SLC12A3: variants seen among roughly 807,000 people sequenced by gnomAD.
The protein encoded by SLC12A3 is Na-Cl cotransporter.
In SLC12A3, 104 loss-of-function variants were observed where a neutral mutation model predicts 121.0. That is an observed-to-expected ratio of 0.86 (90% confidence interval 0.73 to 1.01). The LOEUF is 1.01. SLC12A3 is among the 50% of genes least tolerant of loss of function. The pLI, the probability that SLC12A3 is intolerant of heterozygous loss-of-function variation, is 0.00. For missense variants in SLC12A3, 1,328 were observed against 1,356.3 expected (o/e 0.98, Z 0.33); for synonymous variants, 536 against 533.4 (o/e 1.00, Z -0.07).
chr16:56,871,469 C>T (rs1169587479), intron 6 of SLC12A3, among the ~76,000 whole-genome samples: 3 of 152,224 alleles, frequency 2.0e-5, no homozygotes, highest in African/African-American at 7.2e-5. Flanking sequence ...CCGGACAGGC[C>T]CTACAGGCAG....
At chr16:56,869,855 CCT>C in intron 4 of SLC12A3, 31 bp downstream of exon 4, 1 of 1,581,494 alleles carries the variant, frequency 6.3e-7, no homozygotes, top group African/African-American at 1.3e-5. Flanking sequence ...CCAAGGCCCT[CCT>C]CTCGTGGGCT....
intron 21 of SLC12A3, among the ~76,000 whole-genome samples, chr16:56,893,974 T>A (rs1230237725): frequency 1.8e-5 from 1 of 54,416 alleles, no homozygotes; most frequent in African/African-American, 1.4e-4. Context: ...ATTTTTATTT[T>A]ATTTATTTAT....
In SLC12A3 at chr16:56,869,952, C is replaced by T. The variant is rs2055069358; in HGVS notation, c.601+128C>T. On this transcript the variant is annotated intron_variant, in intron 4 of 25. Coordinates refer to ENST00000563236, the MANE Select transcript of SLC12A3 (RefSeq NM_001126108.2). The stretch of plus-strand genomic sequence containing the variant: ...TGTGGTTCCGGGAGAGGGCTCTAGG[C>T]AGGCTGTCTACACCACGAGATGGCC... 4.4e-6 allele frequency: 6 copies of T among 1,368,432 alleles called. No homozygotes were observed. In the South Asian group the frequency reaches 5.8e-5, roughly 13 times the overall value. The allele number at this position is 1,368,432 out of a possible 1,614,324, so 84.8% of individuals were successfully genotyped here. A position where few individuals can be genotyped will look rare whatever the true frequency, so the allele number is the denominator to read the frequency against.
chr16:56,874,529 A>C (rs571544186), intron 8 of SLC12A3, among the ~76,000 whole-genome samples: 8 of 152,336 alleles, frequency 5.3e-5, no homozygotes, highest in Non-Finnish European at 1.0e-4. Flanking sequence ...AGCCAGGCAC[A>C]GTGGCTCATG....
At chr16:56,910,655 A>G (rs2055673355) in intron 25 of SLC12A3, among the ~76,000 whole-genome samples, 1 of 152,090 alleles carries the variant, frequency 6.6e-6, no homozygotes. Flanking sequence ...ACTCTATTAT[A>G]ATCACCCCCT....
intron 17 of SLC12A3, 69 bp from the exon 18 acceptor site, chr16:56,887,856 C>T (rs2055339192): frequency 1.1e-6 from 1 of 936,524 alleles, no homozygotes. Context: ...AAAGTTGGGG[C>T]TCTGGCCAGG....
chr16:56,893,380 T>C (rs2055416311), intron 21 of SLC12A3, among the ~76,000 whole-genome samples: 1 of 152,128 alleles, frequency 6.6e-6, no homozygotes, highest in Admixed American at 6.5e-5. Flanking sequence ...CAATGAAATA[T>C]AACCTCTCCC....
At chr16:56,868,908 G>C (rs1327195639) in intron 3 of SLC12A3, among the ~76,000 whole-genome samples, 2 of 151,976 alleles carry the variant, frequency 1.3e-5, no homozygotes, top group Non-Finnish European at 2.9e-5. Context: ...GGAGGCAGAG[G>C]CTGCAGTGAG....
At chr16:56,904,953 T>G (rs1427250847) in intron 25 of SLC12A3, 1 of 242,192 alleles carries the variant, frequency 4.1e-6, no homozygotes, top group African/African-American at 2.2e-5. Flanking sequence ...CTGGGTGTAT[T>G]AGCCAGGGCT....
chr16:56,887,041 A>T lies in SLC12A3; in HGVS notation c.2126A>T (p.Tyr709Phe), dbSNP rs1484020868. Residue 709 changes from tyrosine (Y) to phenylalanine (F), a missense_variant, in exon 17 of 26, where the codon TAC (tyrosine) becomes TTC (phenylalanine). Transcript: ENST00000563236. ...AACAAGAGGAAGATCAAGGCCTTCTACTCGGATGTCATTGCCGAGGACCTC... is the reference window on the plus strand; with the variant it reads ...AACAAGAGGAAGATCAAGGCCTTCTTCTCGGATGTCATTGCCGAGGACCTC... ...WLNKRKIKAFYSDVIAEDLRR... is the reference protein window; with the variant it reads ...WLNKRKIKAFFSDVIAEDLRR... 3 of 1,613,724 alleles carry T rather than the reference A, an allele frequency of 1.9e-6. No individual in the cohort carries two copies. The African/African-American group carries it at 4.0e-5, about 22-fold the overall frequency.
chr16:56,907,354 A>G (rs1237133681), intron 25 of SLC12A3, among the ~76,000 whole-genome samples: 2 of 151,644 alleles, frequency 1.3e-5, no homozygotes, highest in Non-Finnish European at 2.9e-5. Context: ...GCTACTTGGG[A>G]GGCTGAGACA....
chr16:56,885,134 C>G (rs1329021683), intron 14 of SLC12A3, 131 bp from the exon 15 acceptor site: 2 of 708,034 alleles, frequency 2.8e-6, no homozygotes, highest in South Asian at 3.0e-5. Context: ...CTGCCCATCC[C>G]AGGTGGCCCT....
rs140236327 is a variant in SLC12A3 at position 56,890,364 on chromosome 16, C to A, written c.2368+8C>A. 285 of 1,611,830 alleles carry A rather than the reference C, an allele frequency of 1.8e-4. 2 individuals carry two copies. The Admixed American group carries it at 4.7e-3, about 27-fold the overall frequency. ...AGATGATGCAGGCGCACAGTGAGTACATGCCCCACCCACTCCCAGAAAGTT... is the reference window on the plus strand; with the variant it reads ...AGATGATGCAGGCGCACAGTGAGTAAATGCCCCACCCACTCCCAGAAAGTT... On this transcript the variant is annotated splice_region_variant and intron_variant, in intron 19 of 25. Coordinates refer to ENST00000563236, the MANE Select transcript of SLC12A3 (RefSeq NM_001126108.2).
chr16:56,869,732 T>C lies in SLC12A3; in HGVS notation c.509T>C (p.Leu170Pro), dbSNP rs1596890176. 1.2e-6 allele frequency: 2 copies of C among 1,614,072 alleles called. No homozygotes were observed. The highest frequency in any genetic ancestry group is 1.7e-6 in the Non-Finnish European group (2 of 1,179,956). The change falls in exon 4 of 26, where the codon CTG (leucine) becomes CCG (proline). Residue 170 changes from leucine to proline, a missense_variant. Physicochemically the swap from Leu to Pro is moderately conservative, Grantham distance 98. Transcript: ENST00000563236. ...AAGCTTTGGGTGCCCCCTGCAGTCCTGACCTGGATCATCATCCTGCTGTCG... is the reference window on the plus strand; with the variant it reads ...AAGCTTTGGGTGCCCCCTGCAGTCCCGACCTGGATCATCATCCTGCTGTCG... ...PWITAQAGIV[L>P]TWIIILLSVT...
At chr16:56,889,581 A>T (rs1344672006) in intron 18 of SLC12A3, among the ~76,000 whole-genome samples, 1 of 152,000 alleles carries the variant, frequency 6.6e-6, no homozygotes, top group Non-Finnish European at 1.5e-5. Context: ...GGTTCAAGCA[A>T]TTCTCCCTCA....
rs748920885 is a variant in SLC12A3, at chr16:56,872,445, G to T, written c.947G>T (p.Gly316Val). The part of the protein sequence containing the change: ...IPPSEDKASK[G>V]FFSYRADIFV... ...CCATCTGAGGACAAGGCCTCCAAAG[G>T]CTTCTTCAGCTACCGGGGTATGTGC... The change falls in exon 7 of 26, where the codon GGC (glycine) becomes GTC (valine). Residue 316 changes from glycine to valine, a missense_variant. By Grantham distance (109) the Gly-to-Val change is moderately radical. Transcript: ENST00000563236. The T allele has an allele frequency of 1.3e-5, 21 of 1,613,640 alleles. No individual in the cohort carries two copies. Among genetic ancestry groups the T allele is most frequent in the African/African-American group, 9.3e-5 (7 of 74,928 alleles).
At chr16:56,899,663 C>T in intron 23 of SLC12A3, 47 bp downstream of exon 23, 5 of 1,338,710 alleles carry the variant, frequency 3.7e-6, no homozygotes, top group Non-Finnish European at 2.2e-6. Flanking sequence ...AACTGTGTGC[C>T]TGGAGACCCC....
At chr16:56,884,677 C>A (rs1456694019) in intron 14 of SLC12A3, among the ~76,000 whole-genome samples, 1 of 152,154 alleles carries the variant, frequency 6.6e-6, no homozygotes, top group Non-Finnish European at 1.5e-5. Flanking sequence ...TCTAAGAAAG[C>A]CTGGGATTCT....
chr16:56,901,359 T>TTTTTTTTTTTTTGG (rs1425567383), intron 23 of SLC12A3, among the ~76,000 whole-genome samples: 1 of 150,814 alleles, frequency 6.6e-6, no homozygotes. Flanking sequence ...TTTTTTTTTT[T>TTTTTTTTTTTTTGG]GAGACAGTCT....
Sources: allele counts gnomAD v4.1 joint callset (sites outside exome capture counted in the v4.1 genomes callset), GRCh38; gene constraint gnomAD v4.1.1; transcripts MANE v1.5; gene names NCBI Gene and HGNC (gene_info 2026-07-23, HGNC 2026-07-21).